ERICH3: variants seen among roughly 807,000 people sequenced by gnomAD.
The protein encoded by ERICH3 is glutamate rich 3.
Under a neutral mutation model 131.1 loss-of-function variants are expected in ERICH3, and 126 were observed. The observed-to-expected ratio is 0.96, with a 90% CI of 0.83 to 1.11. The LOEUF is 1.11. Ranked by LOEUF, ERICH3 falls within the 50% of genes most tolerant of loss-of-function variation. ERICH3 has a pLI of 0.00. For synonymous variants in ERICH3, 695 were observed against 644.6 expected (o/e 1.08, Z -1.18); for missense variants, 2,050 against 1,810.7 (o/e 1.13, Z -2.40).
intron 10 of ERICH3, 125 bp downstream of exon 10, chr1:74,606,476 G>A: frequency 2.0e-6 from 2 of 977,072 alleles, no homozygotes; most frequent in East Asian, 2.5e-5. Flanking sequence ...GGAGGTCAGG[G>A]GCACCCCACA....
At chr1:74,663,139 T>A (rs1017476869) in intron 1 of ERICH3, among the ~76,000 whole-genome samples, 1 of 152,180 alleles carries the variant, frequency 6.6e-6, no homozygotes, top group Non-Finnish European at 1.5e-5. Flanking sequence ...CCTGTAGAAA[T>A]CTGTGCCTAC....
At chr1:74,649,700 T>C (rs1413478690) in intron 1 of ERICH3, among the ~76,000 whole-genome samples, 3 of 152,132 alleles carry the variant, frequency 2.0e-5, no homozygotes, top group African/African-American at 7.2e-5. Context: ...CAGCAGATTC[T>C]TCCAGCGTCT....
intron 11 of ERICH3, 91 bp from the exon 12 acceptor site, chr1:74,590,171 A>C: frequency 3.5e-6 from 4 of 1,144,010 alleles, no homozygotes; most frequent in Non-Finnish European, 4.8e-6. Context: ...TAATACTAAA[A>C]ATTTTAAAAC....
chr1:74,651,948 G>A (rs899190509), intron 1 of ERICH3, among the ~76,000 whole-genome samples: 3 of 152,116 alleles, frequency 2.0e-5, no homozygotes, highest in Admixed American at 6.6e-5. Flanking sequence ...ATGTGTGCAC[G>A]ATGCCTGTCC....
intron 12 of ERICH3, among the ~76,000 whole-genome samples, chr1:74,587,551 A>G (rs1647393638): frequency 6.6e-6 from 1 of 152,132 alleles, no homozygotes; most frequent in South Asian, 2.1e-4. Context: ...TCCAGGTGAC[A>G]TGATCATAGT....
chr1:74,666,490 T>C (rs1452751142), intron 1 of ERICH3, among the ~76,000 whole-genome samples: 1 of 152,214 alleles, frequency 6.6e-6, no homozygotes, highest in South Asian at 2.1e-4. Context: ...ACTTGTCACA[T>C]CTTTTTCTCT....
intron 13 of ERICH3, among the ~76,000 whole-genome samples, chr1:74,573,807 A>G (rs927506603): frequency 6.6e-5 from 10 of 152,096 alleles, no homozygotes; most frequent in African/African-American, 2.4e-4. Context: ...TCATGTCCCC[A>G]TGTCTTGGAA....
chr1:74,617,170 C>CAAAAAAAAAAAA (rs1649003649), intron 8 of ERICH3, among the ~76,000 whole-genome samples: 1 of 62,972 alleles, frequency 1.6e-5, no homozygotes, highest in African/African-American at 9.1e-5. Flanking sequence ...CAACAAAAAA[C>CAAAAAAAAAAAA]AAACAAAAAA....
Position 74,571,677 on chromosome 1 carries a change from C to T in ERICH3, c.4033G>A (p.Gly1345Arg), listed in dbSNP as rs867202707. ...GCTGTTTCTGCCGTTTCACCACCTC[C>T]GTGTAGAACTTCCACAGCCACAACC... is the stretch of plus-strand genomic sequence containing the variant. ...GRVVAVEVLH[G>R]GGETAETAAE... The change falls in exon 14 of 15, where the codon GGA becomes AGA. Residue 1345 changes from glycine (G) to arginine (R), a missense_variant. Coordinates refer to ENST00000326665, the MANE Select transcript of ERICH3 (RefSeq NM_001002912.5). 6.2e-7 allele frequency: 1 copy of T among 1,614,180 alleles called. No homozygotes were observed. The highest frequency in any genetic ancestry group is 8.5e-7 in the Non-Finnish European group (1 of 1,180,036).
At chr1:74,648,022 T>C (rs2100641137) in intron 2 of ERICH3, among the ~76,000 whole-genome samples, 1 of 152,240 alleles carries the variant, frequency 6.6e-6, no homozygotes, top group East Asian at 1.9e-4. Context: ...GTTGAAAAAC[T>C]GATAGGTCCC....
chr1:74,629,043 T>C (rs1649505527), intron 7 of ERICH3, among the ~76,000 whole-genome samples: 1 of 152,108 alleles, frequency 6.6e-6, no homozygotes, highest in Admixed American at 6.6e-5. Context: ...TTAAAGGATA[T>C]TATTCTTTCC....
chr1:74,609,600 A>G (rs1410423765), intron 9 of ERICH3, among the ~76,000 whole-genome samples: 1 of 152,014 alleles, frequency 6.6e-6, no homozygotes, highest in African/African-American at 2.4e-5. Flanking sequence ...TCTAGCACTT[A>G]CTCACCTAAC....
chr1:74,597,325 C>T (rs983593153), intron 11 of ERICH3, among the ~76,000 whole-genome samples: 1 of 151,690 alleles, frequency 6.6e-6, no homozygotes, highest in Non-Finnish European at 1.5e-5. Context: ...AAAAAAAAAC[C>T]ATAATCAGCA....
chr1:74,604,552 T>G (rs1648294103), intron 10 of ERICH3, among the ~76,000 whole-genome samples: 1 of 151,916 alleles, frequency 6.6e-6, no homozygotes, highest in Admixed American at 6.6e-5. Flanking sequence ...GATCTAAAAT[T>G]ACTCCTTGAT....
At chr1:74,669,348 C>T (rs945379903) in intron 1 of ERICH3, among the ~76,000 whole-genome samples, 8 of 152,052 alleles carry the variant, frequency 5.3e-5, no homozygotes, top group African/African-American at 1.9e-4. Context: ...TCTCATTCTT[C>T]CTTCCTCAAA....
chr1:74,638,004 T>C (rs542404127), intron 5 of ERICH3, among the ~76,000 whole-genome samples: 1 of 152,162 alleles, frequency 6.6e-6, no homozygotes, highest in East Asian at 1.9e-4. Context: ...AGAAAGTCTA[T>C]CAAGAATTGT....
rs1646950505 is a variant in ERICH3 at position 74,571,694 on chromosome 1, G to A, written c.4016C>T (p.Ala1339Val). 1 of 1,613,800 alleles carries A rather than the reference G, an allele frequency of 6.2e-7. No individual in the cohort carries two copies. The highest frequency in any genetic ancestry group is 1.3e-5 in the African/African-American group (1 of 74,866). The change falls in exon 14 of 15, where the codon GCT becomes GTT. Residue 1339 changes from alanine (A) to valine (V), a missense_variant. Transcript: ENST00000326665. The stretch of plus-strand genomic sequence containing the variant: ...ACCACCTCCGTGTAGAACTTCCACA[G>A]CCACAACCCTTCCTCCTCCCATGCC... ...NEGMGGGRVV[A>V]VEVLHGGGET... is the part of the protein sequence containing the mutation.
rs1157229778 is a variant in ERICH3, at chr1:74,600,463, G to GA, written c.1490-533dup. Among the ~76,000 whole-genome samples the GA allele has an allele frequency of 2.4e-4, 36 of 151,804 alleles. 1 individual carries two copies. Among genetic ancestry groups the GA allele is most frequent in the Non-Finnish European group, 1.5e-5 (1 of 67,772 alleles). On this transcript the variant is annotated intron_variant, in intron 10 of 14. Transcript: ENST00000326665. ...TATTTAAGAAACAAATGGACATCAA[G>GA]AAAAGGCATTATGAAGGATTCTATA...
intron 1 of ERICH3, among the ~76,000 whole-genome samples, chr1:74,650,834 C>CTGTGTGTGTGTG (rs5775252): frequency 2.1e-5 from 3 of 146,116 alleles, no homozygotes; most frequent in East Asian, 4.1e-4. Context: ...GAGGGGACTA[C>CTGTGTGTGTGTG]TGTGTGTGTG....
Sources: allele counts gnomAD v4.1 joint callset (sites outside exome capture counted in the v4.1 genomes callset), GRCh38; gene constraint gnomAD v4.1.1; transcripts MANE v1.5; gene names NCBI Gene and HGNC (gene_info 2026-07-23, HGNC 2026-07-21).